Variants in APCDD1L observed in about 807,000 individuals in gnomAD.
The protein encoded by APCDD1L is APC down-regulated 1 like, also known as protein APCDD1-like.
A neutral mutation model predicts 24.2 loss-of-function variants in APCDD1L; 21 were observed. That is an observed-to-expected ratio of 0.87 (90% CI 0.61 to 1.25). APCDD1L has a LOEUF of 1.25. Ranked by LOEUF, APCDD1L falls within the 50% of genes most tolerant of loss-of-function variation. The pLI, the probability that APCDD1L is intolerant of heterozygous loss-of-function variation, is 0.00. For missense variants in APCDD1L, 704 were observed against 711.7 expected (o/e 0.99, Z 0.12); for synonymous variants, 321 against 323.6 (o/e 0.99, Z 0.09).
At position 58,506,882 on chromosome 20, in the gene APCDD1L, G is replaced by T. The variant is rs570846017; in HGVS notation, c.49+7777C>A. ...AAGGCATCAGGGCAGGGAGGTATTT[G>T]CATGAACTTGGAGCTGAACTTTCAC... On this transcript the variant is annotated intron_variant, in intron 1 of 3. Transcript: ENST00000371149. Among the ~76,000 whole-genome samples, 49 of 152,292 alleles carry T rather than the reference G, an allele frequency of 3.2e-4. 1 individual carries two copies. Among genetic ancestry groups the T allele is most frequent in the African/African-American group, 1.2e-3 (48 of 41,560 alleles).
At position 58,467,604 on chromosome 20, in the gene APCDD1L, G is replaced by T. The variant is rs780688717; in HGVS notation, c.243C>A (p.Pro81=). 1.9e-6 allele frequency: 3 copies of T among 1,550,530 alleles called. No individual in the cohort carries two copies. The highest frequency in any genetic ancestry group is 1.7e-6 in the Non-Finnish European group (2 of 1,145,590). The stretch of plus-strand genomic sequence containing the variant: ...ACTGGTGGGCTCGAAAGAGCCGGCT[G>T]GGGTAGAAGGTGTAGGCGCGGGTCA... The part of the protein sequence containing the change: ...EFLTRAYTFY[P]SRLFRAHQFY... The change falls in exon 3 of 4, where the codon CCC becomes CCA. Residue 81 remains proline, a synonymous_variant. Transcript: ENST00000371149. The surrounding 1 kb of genome is among the most constrained non-coding windows in gnomAD (Gnocchi z 5.9).
chr20:58,512,837 C>G (rs1990653659), intron 1 of APCDD1L, among the ~76,000 whole-genome samples: 1 of 149,786 alleles, frequency 6.7e-6, no homozygotes, highest in South Asian at 2.1e-4. Flanking sequence ...CAGTGGCAGG[C>G]TGAACGGCAC....
At chr20:58,492,719 C>T (rs1157282146) in intron 1 of APCDD1L, among the ~76,000 whole-genome samples, 1 of 152,270 alleles carries the variant, frequency 6.6e-6, no homozygotes, top group African/African-American at 2.4e-5. Flanking sequence ...ATATATACGC[C>T]TGTGCATACG....
rs1989746524 is a variant in APCDD1L at position 58,467,778 on chromosome 20, C to T, written c.189-120G>A. On this transcript the variant is annotated intron_variant, in intron 2 of 3. Coordinates refer to ENST00000371149, the MANE Select transcript of APCDD1L (RefSeq NM_153360.3). This position sits in a 1 kb window ranked among gnomAD's most constrained non-coding sequence, Gnocchi z 5.9. ...CCTCCTCTTAGTCCTCAGCTCAGGCCTGGGCCCCTCCAGCCTCAGTTCCCC... is the reference window on the plus strand; with the variant it reads ...CCTCCTCTTAGTCCTCAGCTCAGGCTTGGGCCCCTCCAGCCTCAGTTCCCC... The T allele has an allele frequency of 1.9e-6, 2 of 1,054,594 alleles. No homozygotes were observed. The highest frequency in any genetic ancestry group is 1.7e-5 in the African/African-American group (1 of 59,702). 65.3% of individuals were successfully genotyped at this position (1,054,594 alleles called of 1,614,324 possible).
intron 1 of APCDD1L, among the ~76,000 whole-genome samples, chr20:58,475,335 G>C (rs892666986): frequency 1.3e-5 from 2 of 152,178 alleles, no homozygotes; most frequent in Non-Finnish European, 2.9e-5. Context: ...CAGGCGCGAA[G>C]CGAGCACTTC....
At chr20:58,486,859 T>TTTTTG (rs1247103839) in intron 1 of APCDD1L, among the ~76,000 whole-genome samples, 4 of 126,748 alleles carry the variant, frequency 3.2e-5, no homozygotes, top group Non-Finnish European at 4.9e-5. Context: ...GGAAGGTTTT[T>TTTTTG]TTTTTTTTTT....
intron 1 of APCDD1L, among the ~76,000 whole-genome samples, chr20:58,493,853 G>C (rs541128036): frequency 3.9e-5 from 6 of 152,230 alleles, no homozygotes; most frequent in South Asian, 2.1e-4. Context: ...CCAGAGTTAG[G>C]GGCACCAGTG....
chr20:58,471,132 G>A (rs1989804831), intron 1 of APCDD1L, among the ~76,000 whole-genome samples: 2 of 152,212 alleles, frequency 1.3e-5, no homozygotes. Flanking sequence ...GGTGGCTGAA[G>A]GACCCACGCT....
intron 1 of APCDD1L, chr20:58,513,688 G>T: frequency 2.5e-6 from 1 of 401,508 alleles, no homozygotes. Flanking sequence ...GTGCCAGGCA[G>T]CAAGTGGAGT....
At chr20:58,484,425 G>A (rs1265488905) in intron 1 of APCDD1L, among the ~76,000 whole-genome samples, 1 of 152,140 alleles carries the variant, frequency 6.6e-6, no homozygotes, top group African/African-American at 2.4e-5. Flanking sequence ...CCTGGCCCAC[G>A]GTAGGCGGGC....
rs760265396 is a variant in APCDD1L at position 58,461,141 on chromosome 20, C to T, written c.1155G>A (p.Trp385Ter). 4 of 1,613,006 alleles carry T rather than the reference C, an allele frequency of 2.5e-6. No individual in the cohort carries two copies. The African/African-American group carries it at 5.3e-5, about 22-fold the overall frequency. ...TGACATCCCGCTCAGTGCCCATGGACCAGGCCCCCGCACCCCCACAGCTGC... is the reference window on the plus strand; with the variant it reads ...TGACATCCCGCTCAGTGCCCATGGATCAGGCCCCCGCACCCCCACAGCTGC... ...EPSSCGGAGA[W>*]SMGTERDVTA... Residue 385 changes from tryptophan to a stop codon, truncating the protein, a stop_gained, in exon 4 of 4, where the codon TGG becomes TGA. Transcript: ENST00000371149. LOFTEE classifies it low-confidence loss of function (END_TRUNC). This position sits in a 1 kb window ranked among gnomAD's most constrained non-coding sequence, Gnocchi z 6.0.
intron 1 of APCDD1L, among the ~76,000 whole-genome samples, chr20:58,473,623 C>A (rs1989853636): frequency 6.6e-6 from 1 of 152,092 alleles, no homozygotes; most frequent in Non-Finnish European, 1.5e-5. Flanking sequence ...TTCTCTTCCT[C>A]CAAAAAAGTC....
rs550425020 is a variant in APCDD1L, at chr20:58,460,455, G to A, written c.*335C>T. 4.3e-4 allele frequency: 92 copies of A among 214,150 alleles called. No homozygotes were observed. Among genetic ancestry groups the A allele is most frequent in the African/African-American group, 1.0e-3 (45 of 44,088 alleles). The allele number at this position is 214,150 out of a possible 1,614,324, so 13.3% of individuals were successfully genotyped here. A position where few individuals can be genotyped will look rare whatever the true frequency, so the allele number is the denominator to read the frequency against. ...GGGGAACATGGGATGGGGGTGTTCC[G>A]TGTGGCCCCCTGACTGCACCTGTTG... On this transcript the variant is annotated 3_prime_UTR_variant, in exon 4 of 4. Transcript: ENST00000371149. This position sits in a 1 kb window ranked among gnomAD's most constrained non-coding sequence, Gnocchi z 4.2.
rs150058352 is a variant in APCDD1L, at chr20:58,468,805, C to G, written c.189-1147G>C. On this transcript the variant is annotated intron_variant, in intron 2 of 3. Coordinates refer to ENST00000371149, the MANE Select transcript of APCDD1L (RefSeq NM_153360.3). Reference sequence around the variant, plus strand: ...CTGATTTTGAACTCCTGACCTCAATCAATCTGCCCATCTCGGCCTCCCAAA... The same window carrying G: ...CTGATTTTGAACTCCTGACCTCAATGAATCTGCCCATCTCGGCCTCCCAAA... Among the ~76,000 whole-genome samples the G allele has an allele frequency of 3.8e-3, 572 of 152,272 alleles. 5 individuals are homozygous for G. Among genetic ancestry groups the G allele is most frequent in the Non-Finnish European group, 3.8e-3 (259 of 68,028 alleles).
At chr20:58,506,376 C>T (rs1292821712) in intron 1 of APCDD1L, among the ~76,000 whole-genome samples, 1 of 152,212 alleles carries the variant, frequency 6.6e-6, no homozygotes, top group Non-Finnish European at 1.5e-5. Context: ...AGCAATGTAG[C>T]AGGTCCAAAG....
chr20:58,469,023 C>T (rs558326923), intron 2 of APCDD1L, among the ~76,000 whole-genome samples: 1 of 152,320 alleles, frequency 6.6e-6, no homozygotes, highest in African/African-American at 2.4e-5. Flanking sequence ...CCTCCCTGTT[C>T]TCCCAGAGAG....
intron 1 of APCDD1L, among the ~76,000 whole-genome samples, chr20:58,512,518 T>A (rs1016395429): frequency 1.3e-5 from 2 of 151,880 alleles, no homozygotes; most frequent in Non-Finnish European, 2.9e-5. Flanking sequence ...CAACAAAGAA[T>A]CCTCTGGTGC....
intron 3 of APCDD1L, among the ~76,000 whole-genome samples, chr20:58,465,615 C>T (rs758849327): frequency 7.2e-5 from 11 of 152,220 alleles, no homozygotes; most frequent in South Asian, 2.1e-4. Flanking sequence ...TCAAGAAATA[C>T]GCATTGGGTG....
intron 1 of APCDD1L, among the ~76,000 whole-genome samples, chr20:58,498,992 A>T (rs140533459): frequency 5.3e-5 from 8 of 152,326 alleles, no homozygotes; most frequent in African/African-American, 1.7e-4. Flanking sequence ...TTTCATTCCA[A>T]TAATGAGGAC....
Sources: allele counts gnomAD v4.1 joint callset (sites outside exome capture counted in the v4.1 genomes callset), GRCh38; gene constraint gnomAD v4.1.1; non-coding constraint Gnocchi (gnomAD v3.1); transcripts MANE v1.5; gene names NCBI Gene and HGNC (gene_info 2026-07-23, HGNC 2026-07-21).